Variants in RFC1 observed in about 807,000 individuals in gnomAD.
RFC1 encodes replication factor C subunit 1, also known as A1 140 kDa subunit.
RFC1 carries 37 observed loss-of-function variants against 137.4 expected under a neutral mutation model. The observed-to-expected ratio is 0.27, with a 90% CI of 0.21 to 0.35. RFC1 has a LOEUF of 0.35. Among genes scored for constraint, RFC1 ranks in the 10% least tolerant of loss-of-function variants. RFC1 has a pLI of 1.00. For missense variants in RFC1, 1,205 were observed against 1,358.5 expected (o/e 0.89, Z 1.78); for synonymous variants, 429 against 455.7 (o/e 0.94, Z 0.75).
rs773119176 is a variant in RFC1 at position 39,321,370 on chromosome 4, C to A, written c.725G>T (p.Arg242Leu). The A allele has an allele frequency of 3.1e-6, 5 of 1,612,334 alleles. No individual in the cohort carries two copies. In the South Asian group the frequency reaches 3.3e-5, roughly 11 times the overall value. The change falls in exon 8 of 25, where the codon CGA (arginine) becomes CTA (leucine). Residue 242 changes from arginine (R) to leucine (L), a missense_variant. Arg to Leu is a moderately radical substitution (Grantham distance 102). Around this residue, in one of 3 missense-constraint regions of RFC1, gnomAD observed 962 missense variants for 1,035.3 expected, o/e 0.93. Transcript: ENST00000349703. ...CGTTTCTCCCGCTTCTGTGTCCTTT[C>A]GAGCCTAAACAAATTTTAAAAGTGT... ...LDEEPKTKKA[R>L]KDTEAGETFS...
chr4:39,348,301 T>C (rs944213798), intron 2 of RFC1, among the ~76,000 whole-genome samples: 2 of 150,292 alleles, frequency 1.3e-5, no homozygotes, highest in African/African-American at 2.4e-5. Flanking sequence ...CACGCGACTA[T>C]AGTCCCAGCT....
At chr4:39,315,619 A>G (rs764561003) in intron 10 of RFC1, among the ~76,000 whole-genome samples, 1 of 152,130 alleles carries the variant, frequency 6.6e-6, no homozygotes, top group Non-Finnish European at 1.5e-5. Flanking sequence ...ACTCATTATC[A>G]TCTCCCCAAA....
In RFC1 at chr4:39,351,290, T is replaced by C. The variant is rs11729890; in HGVS notation, c.132+58A>G. 250,442 of 626,672 alleles carry C rather than the reference T, an allele frequency of 0.4. 54,252 individuals carry two copies. The highest frequency in any genetic ancestry group is 0.55 in the East Asian group (9,823 of 17,794). The allele number at this position is 626,672 out of a possible 1,614,324, so 38.8% of individuals were successfully genotyped here. On this transcript the variant is annotated intron_variant, in intron 2 of 24. Transcript: ENST00000349703. ...AAAAAAAAAAAAAAAAAAAAACTTA[T>C]AAGAACTGAGTTTATTTTACATTTC... is the stretch of plus-strand genomic sequence containing the variant.
chr4:39,291,317 C>T (rs537449826), intron 23 of RFC1, among the ~76,000 whole-genome samples: 1 of 152,274 alleles, frequency 6.6e-6, no homozygotes, highest in East Asian at 1.9e-4. Flanking sequence ...CACCAGAGCT[C>T]ACCGCTCAAC....
chr4:39,318,462 C>T (rs1181731452), intron 9 of RFC1, among the ~76,000 whole-genome samples: 3 of 152,200 alleles, frequency 2.0e-5, no homozygotes, highest in Non-Finnish European at 4.4e-5. Context: ...ACAGCGTATA[C>T]AATAACTTTG....
At chr4:39,333,085 A>C (rs1740181997) in intron 4 of RFC1, among the ~76,000 whole-genome samples, 1 of 152,216 alleles carries the variant, frequency 6.6e-6, no homozygotes, top group African/African-American at 2.4e-5. Context: ...GAAAACTAAA[A>C]TTCTAACCTA....
intron 4 of RFC1, among the ~76,000 whole-genome samples, chr4:39,337,473 T>TGTAA (rs10690841): frequency 6.8e-6 from 1 of 146,360 alleles, no homozygotes; most frequent in Non-Finnish European, 1.5e-5. Context: ...TGTGTGTGTG[T>TGTAA]AACATTTACT....
At chr4:39,293,963 T>G (rs532283070) in intron 22 of RFC1, among the ~76,000 whole-genome samples, 9 of 152,324 alleles carry the variant, frequency 5.9e-5, no homozygotes, top group Middle Eastern at 3.4e-3. Flanking sequence ...GTCTCTCTTC[T>G]CAAGGCCTGG....
In RFC1 at chr4:39,288,759, T is replaced by C; in HGVS notation, c.*2A>G. 6.2e-7 allele frequency: 1 copy of C among 1,601,414 alleles called. No individual in the cohort carries two copies. The highest frequency in any genetic ancestry group is 8.6e-7 in the Non-Finnish European group (1 of 1,169,068). On this transcript the variant is annotated 3_prime_UTR_variant, in exon 25 of 25. Coordinates refer to ENST00000349703, the MANE Select transcript of RFC1 (RefSeq NM_002913.5). ...AGTGGCTGTCGCTAGTGAAAAATGG[T>C]TTCATTTCTTCGAACTTTTTCCTTT...
chr4:39,341,988 G>A (rs1398863851), intron 4 of RFC1, among the ~76,000 whole-genome samples: 1 of 152,032 alleles, frequency 6.6e-6, no homozygotes, highest in Admixed American at 6.6e-5. Flanking sequence ...TCACAAATAT[G>A]AGTAATCACT....
intron 21 of RFC1, among the ~76,000 whole-genome samples, 182 bp downstream of exon 21, chr4:39,299,839 C>T (rs1036533954): frequency 3.9e-5 from 6 of 152,012 alleles, no homozygotes; most frequent in Admixed American, 6.6e-5. Context: ...CTCTTGAACC[C>T]GGGAGGCAGA....
intron 2 of RFC1, among the ~76,000 whole-genome samples, chr4:39,347,238 G>A (rs988616141): frequency 2.0e-5 from 3 of 152,188 alleles, no homozygotes; most frequent in African/African-American, 7.2e-5. Flanking sequence ...TAAATCAATT[G>A]ACTAAGTAAA....
chr4:39,296,408 C>T (rs1228443098), intron 21 of RFC1, among the ~76,000 whole-genome samples: 3 of 99,680 alleles, frequency 3.0e-5, no homozygotes, highest in Non-Finnish European at 6.0e-5. Flanking sequence ...CCCCCTCCCC[C>T]CACCCCACCA....
At chr4:39,354,749 CAAAAAAAAAAA>C (rs34342477) in intron 1 of RFC1, among the ~76,000 whole-genome samples, 92 of 51,020 alleles carry the variant, frequency 1.8e-3, no homozygotes, top group African/African-American at 5.9e-3. Context: ...GAAACTATCT[CAAAAAAAAAAA>C]AAAAAAAAAA....
intron 9 of RFC1, among the ~76,000 whole-genome samples, chr4:39,320,112 G>A (rs1037808150): frequency 1.3e-5 from 2 of 152,162 alleles, no homozygotes; most frequent in African/African-American, 4.8e-5. Flanking sequence ...CACTTTGGGA[G>A]GCCAAGGTGG....
intron 1 of RFC1, among the ~76,000 whole-genome samples, chr4:39,357,893 CA>C (rs533288343): frequency 7.9e-5 from 12 of 151,992 alleles, no homozygotes; most frequent in Non-Finnish European, 1.6e-4. Flanking sequence ...AGGCATGAGC[CA>C]CAGCGCCCGG....
At chr4:39,295,127 G>C (rs935187982) in intron 22 of RFC1, among the ~76,000 whole-genome samples, 21 of 152,190 alleles carry the variant, frequency 1.4e-4, no homozygotes, top group African/African-American at 5.1e-4. Flanking sequence ...ACTTTTCCAA[G>C]CACATTCATT....
intron 3 of RFC1, 53 bp from the exon 4 acceptor site, chr4:39,342,520 A>G (rs1740657168): frequency 6.4e-7 from 1 of 1,565,836 alleles, no homozygotes; most frequent in South Asian, 1.1e-5. Context: ...ATTATAATAT[A>G]GTGCATGTTT....
In RFC1 at chr4:39,360,518, T is replaced by TTAAAATAAAA. The variant is rs59665003; in HGVS notation, c.3+5711_3+5720dup. The stretch of plus-strand genomic sequence containing the variant: ...GACTCCATCTCTATACAAAATAAAA[T>TTAAAATAAAA]TAAAATAAAATAAAATAAAATAAAA... On this transcript the variant is annotated intron_variant, in intron 1 of 24. Coordinates refer to ENST00000349703, the MANE Select transcript of RFC1 (RefSeq NM_002913.5). Among the ~76,000 whole-genome samples the TTAAAATAAAA allele has an allele frequency of 2.2e-3, 322 of 146,362 alleles. 1 individual carries two copies. Among genetic ancestry groups the TTAAAATAAAA allele is most frequent in the African/African-American group, 6.5e-3 (260 of 39,890 alleles).
Sources: allele counts gnomAD v4.1 joint callset (sites outside exome capture counted in the v4.1 genomes callset), GRCh38; gene constraint gnomAD v4.1.1; regional missense constraint gnomAD v4.1.1; transcripts MANE v1.5; gene names NCBI Gene and HGNC (gene_info 2026-07-23, HGNC 2026-07-21).